The following ROBO1 variants were observed in gnomAD, a reference collection of about 807,000 sequenced individuals.
The protein encoded by ROBO1 is roundabout guidance receptor 1.
Under a neutral mutation model 195.9 loss-of-function variants are expected in ROBO1, and 149 were observed. The ratio of observed to expected loss-of-function variants is 0.76; its 90% CI spans 0.67 to 0.87. ROBO1 has a LOEUF of 0.87. Among genes scored for constraint, ROBO1 ranks in the 40% least tolerant of loss-of-function variants. ROBO1 has a pLI of 0.00. For missense variants in ROBO1, 1,933 were observed against 2,068.3 expected, an observed-to-expected ratio of 0.93 and a Z score of 1.27; for synonymous variants, 816 against 733.2, an observed-to-expected ratio of 1.11 and a Z score of -1.82.
At position 78,800,813 on chromosome 3, in the gene ROBO1, C is replaced by T. The variant is rs887798874; in HGVS notation, c.500-53913G>A. 1.8e-4 allele frequency among the ~76,000 whole-genome samples: 27 copies of T among 152,124 alleles called. 1 individual carries two copies. Among genetic ancestry groups the T allele is most frequent in the African/African-American group, 6.5e-4 (27 of 41,424 alleles). On this transcript the variant is annotated intron_variant, in intron 4 of 30. Transcript: ENST00000464233. ...ACTCCTGACCTTGTAATCCGCCCAC[C>T]TCTGCCTCCCAAAGTGCTGGGATTA... is the stretch of plus-strand genomic sequence containing the variant.
rs143222767 is a variant in ROBO1 at position 79,050,386 on chromosome 3, A to G, written c.172+75070T>C. On this transcript the variant is annotated intron_variant, in intron 3 of 30. Coordinates refer to ENST00000464233, the MANE Select transcript of ROBO1 (RefSeq NM_002941.4). ...ATATGCATCCAATACAGAAGCACCC[A>G]GATTCATAACACAAGTCCTTAGAGA... Among the ~76,000 whole-genome samples the G allele has an allele frequency of 9.7e-4, 148 of 152,308 alleles. 3 individuals are homozygous for G. The East Asian group carries it at 0.025, about 25-fold the overall frequency.
At chr3:79,068,241 C>T (rs895497707) in intron 3 of ROBO1, among the ~76,000 whole-genome samples, 2 of 151,760 alleles carry the variant, frequency 1.3e-5, no homozygotes, top group Admixed American at 1.3e-4. Flanking sequence ...TAGATTAAGG[C>T]CCAGATTCCT....
intron 3 of ROBO1, among the ~76,000 whole-genome samples, chr3:79,103,484 A>C (rs1423647420): frequency 6.6e-6 from 1 of 151,808 alleles, no homozygotes; most frequent in Non-Finnish European, 1.5e-5. Context: ...CTTAGTTTAA[A>C]CAAATGGATG....
At chr3:79,232,309 G>T (rs531153268) in intron 2 of ROBO1, among the ~76,000 whole-genome samples, 1 of 146,004 alleles carries the variant, frequency 6.8e-6, no homozygotes, top group Non-Finnish European at 1.5e-5. Flanking sequence ...TAACAAAAAA[G>T]AAGATAATGT....
intron 2 of ROBO1, among the ~76,000 whole-genome samples, chr3:79,391,694 T>G (rs1199488022): frequency 6.6e-6 from 1 of 152,212 alleles, no homozygotes; most frequent in African/African-American, 2.4e-5. Flanking sequence ...GTATGAATTT[T>G]ATCGCTGATT....
Position 78,788,282 on chromosome 3 carries a change from AT to A in ROBO1, c.500-41383del, listed in dbSNP as rs370345876. Among the ~76,000 whole-genome samples the A allele has an allele frequency of 4.4e-3, 665 of 149,476 alleles. 4 individuals carry two copies. The highest frequency in any genetic ancestry group is 0.014 in the African/African-American group (586 of 40,768). On this transcript the variant is annotated intron_variant, in intron 4 of 30. Transcript: ENST00000464233. ...AGGCGCCCGCCACCACGCCCAGATA[AT>A]TTTTTTTTGTATTTTTAGTAGAGAC... is the stretch of plus-strand genomic sequence containing the variant.
At chr3:78,716,887 TG>T (rs1306382014) in intron 7 of ROBO1, among the ~76,000 whole-genome samples, 2 of 152,164 alleles carry the variant, frequency 1.3e-5, no homozygotes, top group Non-Finnish European at 2.9e-5. Flanking sequence ...GTATTTTAGC[TG>T]AGGAAAAGGA....
At chr3:79,140,079 G>A (rs1456460114) in intron 2 of ROBO1, among the ~76,000 whole-genome samples, 1 of 152,004 alleles carries the variant, frequency 6.6e-6, no homozygotes, top group Admixed American at 6.6e-5. Flanking sequence ...TAGCTACCTG[G>A]GTTTGAGGTA....
intron 4 of ROBO1, among the ~76,000 whole-genome samples, chr3:78,821,040 G>A (rs1338331192): frequency 6.6e-6 from 1 of 151,928 alleles, no homozygotes; most frequent in East Asian, 1.9e-4. Context: ...CTCCTTTTGT[G>A]TACAAATTAT....
At chr3:79,622,797 C>G (rs533000505) in intron 1 of ROBO1, among the ~76,000 whole-genome samples, 2 of 152,314 alleles carry the variant, frequency 1.3e-5, no homozygotes, top group South Asian at 4.1e-4. Flanking sequence ...GTGAGGTACA[C>G]CCCCTCCACC....
chr3:79,042,305 C>T (rs1251010003), intron 3 of ROBO1, among the ~76,000 whole-genome samples: 1 of 152,100 alleles, frequency 6.6e-6, no homozygotes, highest in East Asian at 1.9e-4. Flanking sequence ...ACCTCTCACA[C>T]ACATGAGTTT....
At chr3:79,405,644 T>A (rs2037517247) in intron 2 of ROBO1, among the ~76,000 whole-genome samples, 1 of 152,216 alleles carries the variant, frequency 6.6e-6, no homozygotes, top group Admixed American at 6.6e-5. Flanking sequence ...GCAAGAATAT[T>A]TTCTCACTGG....
chr3:79,516,547 A>G lies in ROBO1; in HGVS notation c.88+73277T>C, dbSNP rs1028048619. Among the ~76,000 whole-genome samples, 5 of 152,134 alleles carry G rather than the reference A, an allele frequency of 3.3e-5. No individual in the cohort carries two copies. In the East Asian group the frequency reaches 7.7e-4, roughly 23 times the overall value. The stretch of plus-strand genomic sequence containing the variant: ...TTTTTAGTTACTTTTTAACTTTGCC[A>G]TAGTCTCTTTGTTTATACACAAACA... On this transcript the variant is annotated intron_variant, in intron 2 of 30. Transcript: ENST00000464233.
chr3:79,456,520 T>C lies in ROBO1; in HGVS notation c.88+133304A>G, dbSNP rs577357692. Among the ~76,000 whole-genome samples, 231 of 152,274 alleles carry C rather than the reference T, an allele frequency of 1.5e-3. 2 individuals carry two copies. The highest frequency in any genetic ancestry group is 5.0e-3 in the South Asian group (24 of 4,828). On this transcript the variant is annotated intron_variant, in intron 2 of 30. Coordinates refer to ENST00000464233, the MANE Select transcript of ROBO1 (RefSeq NM_002941.4). ...TTTCTGTAGAAGGAAAAGCTATGGATCAATAGTTTTATTCTGTTATCTCCT... is the reference window on the plus strand; with the variant it reads ...TTTCTGTAGAAGGAAAAGCTATGGACCAATAGTTTTATTCTGTTATCTCCT...
intron 3 of ROBO1, among the ~76,000 whole-genome samples, chr3:79,004,339 T>C (rs1459331896): frequency 6.6e-6 from 1 of 152,222 alleles, no homozygotes; most frequent in Non-Finnish European, 1.5e-5. Context: ...CTATAACTCC[T>C]GTCAAAGCAA....
At chr3:79,524,122 T>C (rs972495253) in intron 2 of ROBO1, among the ~76,000 whole-genome samples, 2 of 152,016 alleles carry the variant, frequency 1.3e-5, no homozygotes, top group Admixed American at 6.6e-5. Context: ...AGAGTCTTCG[T>C]TAGAGAAAGT....
At chr3:79,373,859 A>G (rs889112454) in intron 2 of ROBO1, among the ~76,000 whole-genome samples, 3 of 152,170 alleles carry the variant, frequency 2.0e-5, no homozygotes, top group Non-Finnish European at 4.4e-5. Flanking sequence ...GTGGATTTAA[A>G]ACATCCCTTG....
chr3:79,512,284 T>C (rs1019352632), intron 2 of ROBO1, among the ~76,000 whole-genome samples: 5 of 152,162 alleles, frequency 3.3e-5, no homozygotes, highest in Non-Finnish European at 7.4e-5. Flanking sequence ...TTATTAACTA[T>C]GAAAAAAGAC....
chr3:78,651,459 G>A (rs1279999466), intron 19 of ROBO1, among the ~76,000 whole-genome samples: 1 of 152,052 alleles, frequency 6.6e-6, no homozygotes, highest in Admixed American at 6.6e-5. Flanking sequence ...AAGAGAAAAG[G>A]GAAAAGGTAT....
Sources: allele counts gnomAD v4.1 joint callset (sites outside exome capture counted in the v4.1 genomes callset), GRCh38; gene constraint gnomAD v4.1.1; transcripts MANE v1.5; gene names NCBI Gene and HGNC (gene_info 2026-07-23, HGNC 2026-07-21).